The following SLC35F1 variants were observed in gnomAD, a reference collection of about 807,000 sequenced individuals.
The protein encoded by SLC35F1 is chromosome 6 open reading frame 169.
Under a neutral mutation model 48.7 loss-of-function variants are expected in SLC35F1, and 14 were observed. The observed-to-expected ratio is 0.29, with a 90% confidence interval of 0.19 to 0.45. The LOEUF is 0.45. Ranked by LOEUF, SLC35F1 falls within the 20% of genes least tolerant of loss-of-function variation. The pLI is 1.00. For missense variants in SLC35F1, 404 were observed against 500.0 expected (o/e 0.81, Z 1.83); for synonymous variants, 190 against 202.2 (o/e 0.94, Z 0.51).
At chr6:117,941,091 C>T (rs138655271) in intron 1 of SLC35F1, among the ~76,000 whole-genome samples, 1 of 152,266 alleles carries the variant, frequency 6.6e-6, no homozygotes, top group Non-Finnish European at 1.5e-5. Context: ...CATGGTTTAT[C>T]TCCTTCTTCG....
At chr6:117,913,995 G>T (rs1332647429) in intron 1 of SLC35F1, among the ~76,000 whole-genome samples, 2 of 152,058 alleles carry the variant, frequency 1.3e-5, no homozygotes, top group Non-Finnish European at 2.9e-5. Flanking sequence ...ATGTTGCAGT[G>T]AGCCAAGATC....
chr6:118,177,468 A>G (rs919527320), intron 2 of SLC35F1, among the ~76,000 whole-genome samples: 1 of 152,244 alleles, frequency 6.6e-6, no homozygotes, highest in East Asian at 1.9e-4. Context: ...TTCCTGCTAC[A>G]TGGAATAGTT....
chr6:118,081,611 G>A (rs1772909182), intron 1 of SLC35F1, among the ~76,000 whole-genome samples: 2 of 152,114 alleles, frequency 1.3e-5, no homozygotes, highest in Non-Finnish European at 2.9e-5. Context: ...CTCCAGCCTG[G>A]GTGACAGAGC....
chr6:117,952,718 A>G (rs1485781413), intron 1 of SLC35F1, among the ~76,000 whole-genome samples: 1 of 152,212 alleles, frequency 6.6e-6, no homozygotes, highest in Non-Finnish European at 1.5e-5. Flanking sequence ...CAAAAACTTT[A>G]CCAAGAGAGG....
intron 1 of SLC35F1, among the ~76,000 whole-genome samples, chr6:118,114,352 AT>A (rs1287306042): frequency 1.3e-5 from 2 of 151,916 alleles, no homozygotes; most frequent in Non-Finnish European, 2.9e-5. Flanking sequence ...TACTCCTTTT[AT>A]TTTCTTTTGA....
At chr6:118,070,960 G>A (rs1421104453) in intron 1 of SLC35F1, among the ~76,000 whole-genome samples, 1 of 131,190 alleles carries the variant, frequency 7.6e-6, no homozygotes, top group Non-Finnish European at 1.6e-5. Flanking sequence ...TATATACTGT[G>A]TATATATATA....
chr6:118,205,173 A>G (rs1003716092), intron 2 of SLC35F1, among the ~76,000 whole-genome samples: 2 of 152,204 alleles, frequency 1.3e-5, no homozygotes, highest in African/African-American at 4.8e-5. Flanking sequence ...GGACATTGCA[A>G]ACCTGTGTGT....
In SLC35F1 at chr6:118,061,314, C is replaced by T. The variant is rs538241951; in HGVS notation, c.174-93131C>T. Among the ~76,000 whole-genome samples the T allele has an allele frequency of 2.0e-5, 3 of 152,246 alleles. No individual in the cohort carries two copies. In the South Asian group the frequency reaches 6.2e-4, roughly 32 times the overall value. The stretch of plus-strand genomic sequence containing the variant: ...CTGGTAACTAAAACAGGCTGTCAGA[C>T]CTTCTGTTGGTTAGTTTTAGAGGAA... On this transcript the variant is annotated intron_variant, in intron 1 of 7. Transcript: ENST00000360388.
intron 1 of SLC35F1, among the ~76,000 whole-genome samples, chr6:118,047,059 C>T (rs1772311879): frequency 6.6e-6 from 1 of 152,140 alleles, no homozygotes; most frequent in Admixed American, 6.6e-5. Flanking sequence ...GAGACATACT[C>T]TCAGAGATTC....
At chr6:118,000,699 C>T (rs1375882298) in intron 1 of SLC35F1, among the ~76,000 whole-genome samples, 3 of 152,114 alleles carry the variant, frequency 2.0e-5, no homozygotes, top group East Asian at 3.9e-4. Flanking sequence ...TCTAGAAAAC[C>T]CCATTGTCTC....
chr6:118,081,150 G>A (rs562292271), intron 1 of SLC35F1, among the ~76,000 whole-genome samples: 2 of 152,096 alleles, frequency 1.3e-5, no homozygotes, highest in South Asian at 4.2e-4. Flanking sequence ...TTGATCCAGG[G>A]TTGTTCATTG....
At chr6:117,911,227 CT>C (rs1775758065) in intron 1 of SLC35F1, among the ~76,000 whole-genome samples, 1 of 152,068 alleles carries the variant, frequency 6.6e-6, no homozygotes, top group African/African-American at 2.4e-5. Flanking sequence ...ATTTTTTCCC[CT>C]GGTATACTCA....
At chr6:118,129,241 G>T (rs1773674641) in intron 1 of SLC35F1, among the ~76,000 whole-genome samples, 1 of 152,174 alleles carries the variant, frequency 6.6e-6, no homozygotes, top group Non-Finnish European at 1.5e-5. Context: ...AGAGAATAAT[G>T]ATAATAGGGT....
chr6:117,918,972 T>A (rs1230536083), intron 1 of SLC35F1, among the ~76,000 whole-genome samples: 1 of 152,166 alleles, frequency 6.6e-6, no homozygotes, highest in Non-Finnish European at 1.5e-5. Flanking sequence ...CATAGCTCAC[T>A]GCAGCCTGAA....
intron 1 of SLC35F1, among the ~76,000 whole-genome samples, chr6:118,007,122 T>C (rs1303458012): frequency 6.6e-6 from 1 of 152,236 alleles, no homozygotes; most frequent in East Asian, 1.9e-4. Flanking sequence ...AATTTATCTC[T>C]TGTAATTATG....
intron 1 of SLC35F1, among the ~76,000 whole-genome samples, chr6:117,928,433 T>A (rs955961471): frequency 6.6e-6 from 1 of 152,164 alleles, no homozygotes; most frequent in African/African-American, 2.4e-5. Flanking sequence ...GTTTTCTTTA[T>A]GCATTGCTTA....
chr6:118,075,676 A>T (rs1187286932), intron 1 of SLC35F1, among the ~76,000 whole-genome samples: 27 of 152,228 alleles, frequency 1.8e-4, no homozygotes, highest in Admixed American at 1.8e-3. Flanking sequence ...ATTTCTGGAA[A>T]CAACATGATT....
intron 2 of SLC35F1, among the ~76,000 whole-genome samples, chr6:118,169,128 A>G (rs1196699692): frequency 6.6e-6 from 1 of 152,222 alleles, no homozygotes; most frequent in African/African-American, 2.4e-5. Context: ...TGCCTCTGAT[A>G]GCAACATTGC....
Position 118,314,013 on chromosome 6 carries a change from G to T in SLC35F1, c.1003-15G>T. The T allele has an allele frequency of 9.9e-6, 16 of 1,613,296 alleles. No homozygotes were observed. Among genetic ancestry groups the T allele is most frequent in the Non-Finnish European group, 1.4e-5 (16 of 1,179,230 alleles). Reference sequence around the variant, plus strand: ...GCCCTGGCTGTCAAATGACTTTACTGTTGTGTTTTTTTAGTTTTCAGGACT... The same window carrying T: ...GCCCTGGCTGTCAAATGACTTTACTTTTGTGTTTTTTTAGTTTTCAGGACT... On this transcript the variant is annotated splice_polypyrimidine_tract_variant and intron_variant, in intron 7 of 7. Coordinates refer to ENST00000360388, the MANE Select transcript of SLC35F1 (RefSeq NM_001029858.4).
Sources: allele counts gnomAD v4.1 joint callset (sites outside exome capture counted in the v4.1 genomes callset), GRCh38; gene constraint gnomAD v4.1.1; transcripts MANE v1.5; gene names NCBI Gene and HGNC (gene_info 2026-07-23, HGNC 2026-07-21).